The following PRDM16 variants were observed in gnomAD, a reference collection of about 807,000 sequenced individuals.
PRDM16 encodes PR/SET domain 16.
In PRDM16, 23 loss-of-function variants were observed where a neutral mutation model predicts 110.6. The observed-to-expected ratio is 0.21, with a 90% CI of 0.15 to 0.29. The LOEUF is 0.29. Among genes scored for constraint, PRDM16 ranks in the 10% least tolerant of loss-of-function variants. The probability of loss-of-function intolerance (pLI) is 1.00; values close to 1 mark genes in which losing one functional copy is unlikely to be tolerated. For missense variants in PRDM16, 1,615 were observed against 1,794.3 expected (o/e 0.90, Z 1.81); for synonymous variants, 799 against 781.8 (o/e 1.02, Z -0.37).
chr1:3,295,177 C>G (rs1420188312), intron 3 of PRDM16, among the ~76,000 whole-genome samples: 2 of 152,232 alleles, frequency 1.3e-5, no homozygotes, highest in Non-Finnish European at 2.9e-5. Flanking sequence ...CATGAGGTCC[C>G]TGCTCACAGA....
chr1:3,244,262 G>T lies in PRDM16; in HGVS notation c.438+125G>T. ...AGTCGGAATGTTGCTGGCAGGCCCC[G>T]AGCAATGTGTTATCTGTGGACTGAC... On this transcript the variant is annotated intron_variant, in intron 3 of 16. Transcript: ENST00000270722. This position sits in a 1 kb window ranked among gnomAD's most constrained non-coding sequence, Gnocchi z 4.1. 3 of 863,904 alleles carry T rather than the reference G, an allele frequency of 3.5e-6. No homozygotes were observed. Among genetic ancestry groups the T allele is most frequent in the Non-Finnish European group, 5.6e-6 (3 of 532,120 alleles). The allele number at this position is 863,904 out of a possible 1,614,324, so 53.5% of individuals were successfully genotyped here.
At chr1:3,271,907 G>A (rs1043393602) in intron 3 of PRDM16, among the ~76,000 whole-genome samples, 4 of 152,160 alleles carry the variant, frequency 2.6e-5, no homozygotes, top group Non-Finnish European at 1.5e-5. Flanking sequence ...CACCCTCACC[G>A]TCTGTCTTGC....
intron 2 of PRDM16, among the ~76,000 whole-genome samples, chr1:3,217,876 C>T (rs1323104483): frequency 6.6e-6 from 1 of 152,242 alleles, no homozygotes; most frequent in African/African-American, 2.4e-5. Context: ...CAACTCTGCT[C>T]CCCACACGAG....
At position 3,408,755 on chromosome 1, in the gene PRDM16, C is replaced by T. The variant is rs576941446; in HGVS notation, c.1187-2629C>T. ...GCGCGTGAGCCGGTGCATGTGTTGG[C>T]ACACGTGAGAGTGCATGAGTGTGGG... On this transcript the variant is annotated intron_variant, in intron 8 of 16. Transcript: ENST00000270722. Among the ~76,000 whole-genome samples the T allele has an allele frequency of 4.6e-3, 610 of 132,694 alleles. 5 individuals are homozygous for T. Among genetic ancestry groups the T allele is most frequent in the African/African-American group, 0.018 (579 of 31,554 alleles). 87.1% of individuals were successfully genotyped at this position (132,694 alleles called of 152,430 possible).
intron 2 of PRDM16, among the ~76,000 whole-genome samples, chr1:3,227,343 C>G (rs895750289): frequency 6.6e-6 from 1 of 152,270 alleles, no homozygotes; most frequent in Non-Finnish European, 1.5e-5. Context: ...GGGACAGGAA[C>G]CAGAGTCCTG....
chr1:3,273,975 G>GGAAAA (rs1569971594), intron 3 of PRDM16, among the ~76,000 whole-genome samples: 1 of 76,484 alleles, frequency 1.3e-5, no homozygotes, highest in African/African-American at 1.0e-4. Context: ...GTATGGGGAG[G>GGAAAA]TAAAAAAAAA....
At chr1:3,167,027 C>A (rs1226698403) in intron 1 of PRDM16, among the ~76,000 whole-genome samples, 2 of 152,184 alleles carry the variant, frequency 1.3e-5, no homozygotes, top group African/African-American at 2.4e-5. Flanking sequence ...TGCCCTCCAT[C>A]CCCAGAAGGA....
At chr1:3,110,175 T>G (rs80153594) in intron 1 of PRDM16, among the ~76,000 whole-genome samples, 6 of 128,638 alleles carry the variant, frequency 4.7e-5, no homozygotes, top group African/African-American at 1.8e-4. Flanking sequence ...GGACACAGTG[T>G]CTGTGGATCC....
chr1:3,291,700 G>A (rs535402229), intron 3 of PRDM16, among the ~76,000 whole-genome samples: 8 of 152,272 alleles, frequency 5.3e-5, no homozygotes, highest in Non-Finnish European at 4.4e-5. Flanking sequence ...GCAGCTCTTG[G>A]CAGTGCGGGG....
intron 3 of PRDM16, among the ~76,000 whole-genome samples, chr1:3,275,772 AG>A (rs1193422187): frequency 1.3e-5 from 2 of 151,840 alleles, no homozygotes; most frequent in East Asian, 3.9e-4. Context: ...AGTGAGAGCC[AG>A]GGGGGCGGGA....
At chr1:3,126,062 T>C (rs555741579) in intron 1 of PRDM16, among the ~76,000 whole-genome samples, 1 of 152,338 alleles carries the variant, frequency 6.6e-6, no homozygotes, top group South Asian at 2.1e-4. Flanking sequence ...GGCTCGTCCT[T>C]AGGTAATCCT....
At chr1:3,221,121 T>G (rs1639141623) in intron 2 of PRDM16, among the ~76,000 whole-genome samples, 1 of 152,194 alleles carries the variant, frequency 6.6e-6, no homozygotes, top group South Asian at 2.1e-4. Flanking sequence ...CGACACTGGC[T>G]TAGGGCCTTG....
chr1:3,227,066 A>G (rs1400819859), intron 2 of PRDM16, among the ~76,000 whole-genome samples: 1 of 152,260 alleles, frequency 6.6e-6, no homozygotes, highest in Admixed American at 6.5e-5. Flanking sequence ...GCAATGAATA[A>G]TCAGCCGTTG....
At chr1:3,146,545 T>C (rs1643659174) in intron 1 of PRDM16, among the ~76,000 whole-genome samples, 1 of 119,266 alleles carries the variant, frequency 8.4e-6, no homozygotes, top group Admixed American at 8.2e-5. Context: ...GCACGTGTGT[T>C]CGGTGTGGGG....
At chr1:3,092,734 AGCTGG>A (rs1396858678) in intron 1 of PRDM16, among the ~76,000 whole-genome samples, 1 of 152,120 alleles carries the variant, frequency 6.6e-6, no homozygotes, top group African/African-American at 2.4e-5. Context: ...CTGAGCCACA[AGCTGG>A]GGGCTGATGC....
At chr1:3,176,948 C>T (rs1005465834) in intron 1 of PRDM16, among the ~76,000 whole-genome samples, 1 of 152,016 alleles carries the variant, frequency 6.6e-6, no homozygotes, top group African/African-American at 2.4e-5. Context: ...ATTCACATAC[C>T]CATTCATTCA....
chr1:3,275,531 G>C (rs550606021), intron 3 of PRDM16, among the ~76,000 whole-genome samples: 1 of 152,044 alleles, frequency 6.6e-6, no homozygotes, highest in African/African-American at 2.4e-5. Flanking sequence ...GGCATGCCCC[G>C]AGGTGGGGGG....
intron 3 of PRDM16, among the ~76,000 whole-genome samples, chr1:3,260,438 T>A (rs879396016): frequency 6.6e-5 from 10 of 152,164 alleles, no homozygotes; most frequent in Non-Finnish European, 1.0e-4. Context: ...TACTGACACC[T>A]TAATTTCTTC....
chr1:3,340,164 G>T (rs896817454), intron 3 of PRDM16, among the ~76,000 whole-genome samples: 1 of 152,112 alleles, frequency 6.6e-6, no homozygotes, highest in Non-Finnish European at 1.5e-5. Flanking sequence ...GGGCTTCCAG[G>T]TCTGGGTCTG....
Sources: allele counts gnomAD v4.1 joint callset (sites outside exome capture counted in the v4.1 genomes callset), GRCh38; gene constraint gnomAD v4.1.1; non-coding constraint Gnocchi (gnomAD v3.1); transcripts MANE v1.5; gene names NCBI Gene and HGNC (gene_info 2026-07-23, HGNC 2026-07-21).